XPR1: variants seen among roughly 807,000 people sequenced by gnomAD.
XPR1 encodes solute carrier family 53 member 1.
XPR1 carries 28 observed loss-of-function variants against 87.5 expected under a neutral mutation model. That is an observed-to-expected ratio of 0.32 (90% confidence interval 0.24 to 0.44). The LOEUF is 0.44. Ranked by LOEUF, XPR1 falls within the 20% of genes least tolerant of loss-of-function variation. The probability of loss-of-function intolerance (pLI) is 1.00; values close to 1 mark genes in which losing one functional copy is unlikely to be tolerated. For synonymous variants in XPR1, 300 were observed against 306.1 expected (o/e 0.98, Z 0.21); for missense variants, 559 against 862.3 (o/e 0.65, Z 4.41).
chr1:180,699,288 T>A (rs1288045503), intron 2 of XPR1, among the ~76,000 whole-genome samples: 1 of 131,112 alleles, frequency 7.6e-6, no homozygotes, highest in Non-Finnish European at 1.6e-5. Context: ...TATGTATACA[T>A]GTGCCATGCT....
At chr1:180,692,668 A>G (rs1282298815) in intron 2 of XPR1, among the ~76,000 whole-genome samples, 1 of 152,200 alleles carries the variant, frequency 6.6e-6, no homozygotes, top group African/African-American at 2.4e-5. Flanking sequence ...TAGTTCACTA[A>G]GAGGCAAGGT....
intron 2 of XPR1, 58 bp downstream of exon 2, chr1:180,682,469 T>C (rs1656610458): frequency 4.2e-6 from 6 of 1,445,140 alleles, no homozygotes; most frequent in Admixed American, 1.9e-5. Flanking sequence ...AGGAAAGATA[T>C]TTTGTACTGC....
intron 14 of XPR1, among the ~76,000 whole-genome samples, chr1:180,883,126 C>A (rs1405527541): frequency 3.4e-5 from 3 of 87,218 alleles, no homozygotes; most frequent in Non-Finnish European, 6.4e-5. Context: ...TCATACCTGG[C>A]TTTTTTTTTT....
chr1:180,818,350 G>A lies in XPR1; in HGVS notation c.764-6403G>A, dbSNP rs527286927. On this transcript the variant is annotated intron_variant, in intron 7 of 14. Coordinates refer to ENST00000367590, the MANE Select transcript of XPR1 (RefSeq NM_004736.4). ...GGGTTTTTTTTTTTTTTTTAAACAG[G>A]TACATATTTGCTTACTAACACAACC... Among the ~76,000 whole-genome samples the A allele has an allele frequency of 4.7e-5, 7 of 149,532 alleles. No homozygotes were observed. In the South Asian group the frequency reaches 1.5e-3, roughly 31 times the overall value.
intron 2 of XPR1, among the ~76,000 whole-genome samples, chr1:180,762,646 G>A (rs1648091824): frequency 6.6e-6 from 1 of 152,204 alleles, no homozygotes; most frequent in African/African-American, 2.4e-5. Flanking sequence ...CAAAGCAGCA[G>A]AGAAATTGAC....
Position 180,787,762 on chromosome 1 carries a change from A to G in XPR1, c.131A>G (p.Glu44Gly). The change falls in exon 3 of 15, where the codon GAG becomes GGG. Residue 44 changes from glutamate to glycine, a missense_variant. Transcript: ENST00000367590. Reference protein sequence around the residue: ...DQAPSVEVTDEDTVKRYFAKF... With the variant: ...DQAPSVEVTDGDTVKRYFAKF... Reference sequence around the variant, plus strand: ...TTTTCCTGTCTTTCAGTTACAGATGAGGACACAGTAAAGAGGTATTTTGCC... The same window carrying G: ...TTTTCCTGTCTTTCAGTTACAGATGGGGACACAGTAAAGAGGTATTTTGCC... The G allele has an allele frequency of 6.2e-7, 1 of 1,605,944 alleles. No individual in the cohort carries two copies. Among genetic ancestry groups the G allele is most frequent in the Non-Finnish European group, 8.5e-7 (1 of 1,176,826 alleles).
Position 180,820,503 on chromosome 1 carries a change from A to G in XPR1, c.764-4250A>G, listed in dbSNP as rs557685633. On this transcript the variant is annotated intron_variant, in intron 7 of 14. Transcript: ENST00000367590. ...ATATTCCATTTTGTGTATGTATCACAATTTGTTTATCCATTCATTCATTGA... is the reference window on the plus strand; with the variant it reads ...ATATTCCATTTTGTGTATGTATCACGATTTGTTTATCCATTCATTCATTGA... Among the ~76,000 whole-genome samples, 76 of 152,230 alleles carry G rather than the reference A, an allele frequency of 5.0e-4. No homozygotes were observed. In the South Asian group the frequency reaches 0.015, roughly 31 times the overall value.
intron 12 of XPR1, among the ~76,000 whole-genome samples, chr1:180,866,865 GGTTA>G (rs1048495448): frequency 2.3e-5 from 3 of 132,756 alleles, no homozygotes; most frequent in Non-Finnish European, 4.7e-5. Flanking sequence ...ACATTGTGCA[GGTTA>G]GTTACATATG....
intron 1 of XPR1, among the ~76,000 whole-genome samples, chr1:180,641,644 T>C (rs1322740786): frequency 6.6e-6 from 1 of 152,176 alleles, no homozygotes; most frequent in Non-Finnish European, 1.5e-5. Context: ...GTGAGTTGCT[T>C]GAGTTTTTAG....
At chr1:180,803,357 T>G in intron 3 of XPR1, 31 bp from the exon 4 acceptor site, 5 of 1,580,768 alleles carry the variant, frequency 3.2e-6, no homozygotes, top group Non-Finnish European at 4.3e-6. Context: ...TTTATCTTAC[T>G]GATTTGACAG....
intron 10 of XPR1, among the ~76,000 whole-genome samples, chr1:180,835,377 A>G (rs887234892): frequency 1.5e-4 from 22 of 149,294 alleles, no homozygotes; most frequent in Non-Finnish European, 2.5e-4. Flanking sequence ...ATAATGTAAC[A>G]TATATACCAG....
At chr1:180,812,466 T>C (rs1342752436) in intron 7 of XPR1, among the ~76,000 whole-genome samples, 3 of 152,168 alleles carry the variant, frequency 2.0e-5, no homozygotes, top group South Asian at 2.1e-4. Context: ...CCCCCAAATA[T>C]GCTCTTCTAT....
intron 11 of XPR1, 97 bp downstream of exon 11, chr1:180,836,813 C>T (rs1651311698): frequency 1.4e-6 from 2 of 1,393,836 alleles, no homozygotes. Flanking sequence ...TTGTCATGCT[C>T]TTTTTTTTCC....
In XPR1 at chr1:180,745,270, G is replaced by A. The variant is rs183833770; in HGVS notation, c.122-42483G>A. Among the ~76,000 whole-genome samples the A allele has an allele frequency of 8.9e-4, 136 of 152,152 alleles. 1 individual carries two copies. The East Asian group carries it at 0.014, about 15-fold the overall frequency. On this transcript the variant is annotated intron_variant, in intron 2 of 14. Coordinates refer to ENST00000367590, the MANE Select transcript of XPR1 (RefSeq NM_004736.4). ...TAGGGCTTTATTTATTCTGCTCTGCGGAGCAATTCCTATGACTTTGCTTGT... is the reference window on the plus strand; with the variant it reads ...TAGGGCTTTATTTATTCTGCTCTGCAGAGCAATTCCTATGACTTTGCTTGT...
intron 7 of XPR1, among the ~76,000 whole-genome samples, chr1:180,819,295 A>G (rs1448505125): frequency 6.6e-6 from 1 of 151,272 alleles, no homozygotes; most frequent in East Asian, 1.9e-4. Flanking sequence ...CATTAGCTTA[A>G]ATATAGTATT....
chr1:180,712,964 G>C (rs1409912559), intron 2 of XPR1, among the ~76,000 whole-genome samples: 2 of 119,300 alleles, frequency 1.7e-5, no homozygotes, highest in Middle Eastern at 9.3e-3. Context: ...TTTCAAAGTA[G>C]TTTTGTCTAT....
At chr1:180,699,227 A>G (rs1044269477) in intron 2 of XPR1, among the ~76,000 whole-genome samples, 66 of 52,616 alleles carry the variant, frequency 1.3e-3, no homozygotes, top group African/African-American at 4.6e-3. Flanking sequence ...TTTTTTTTTT[A>G]TTATACTCTA....
chr1:180,674,873 A>G (rs1300561949), intron 1 of XPR1, among the ~76,000 whole-genome samples: 4 of 152,192 alleles, frequency 2.6e-5, no homozygotes, highest in African/African-American at 9.7e-5. Context: ...AAGAACATGT[A>G]TATTGGCAGT....
At chr1:180,861,176 A>C (rs1377927251) in intron 11 of XPR1, among the ~76,000 whole-genome samples, 1 of 152,122 alleles carries the variant, frequency 6.6e-6, no homozygotes, top group Non-Finnish European at 1.5e-5. Context: ...AGCAGACAAA[A>C]CAATAGCTTA....
Sources: allele counts gnomAD v4.1 joint callset (sites outside exome capture counted in the v4.1 genomes callset), GRCh38; gene constraint gnomAD v4.1.1; transcripts MANE v1.5; gene names NCBI Gene and HGNC (gene_info 2026-07-23, HGNC 2026-07-21).